CNOT10: variants seen among roughly 807,000 people sequenced by gnomAD.
CNOT10 encodes CCR4-NOT transcription complex subunit 10.
CNOT10 carries 30 observed loss-of-function variants against 94.6 expected under a neutral mutation model. The ratio of observed to expected loss-of-function variants is 0.32; its 90% CI spans 0.24 to 0.43. CNOT10 has a LOEUF of 0.43. Ranked by LOEUF, CNOT10 falls within the 20% of genes least tolerant of loss-of-function variation. The probability of loss-of-function intolerance (pLI) is 1.00; values close to 1 mark genes in which losing one functional copy is unlikely to be tolerated. For missense variants in CNOT10, 759 were observed against 877.2 expected, an observed-to-expected ratio of 0.87 and a Z score of 1.70; for synonymous variants, 289 against 301.6, an observed-to-expected ratio of 0.96 and a Z score of 0.43.
At chr3:32,770,021 T>G in intron 18 of CNOT10, 59 bp downstream of exon 18, 1 of 1,385,878 alleles carries the variant, frequency 7.2e-7, no homozygotes, top group Non-Finnish European at 1.0e-6. Flanking sequence ...ATTTTTTGGT[T>G]GGGAGACAGG....
chr3:32,761,001 C>A (rs561635917), intron 14 of CNOT10, among the ~76,000 whole-genome samples: 4 of 151,824 alleles, frequency 2.6e-5, no homozygotes, highest in African/African-American at 4.8e-5. Context: ...TGGGGGCACA[C>A]TCCTGTAATC....
intron 13 of CNOT10, among the ~76,000 whole-genome samples, chr3:32,754,487 A>T (rs1415474891): frequency 0.17 from 10,553 of 62,106 alleles, 1,413 homozygotes; most frequent in Non-Finnish European, 0.2. Context: ...AAAAAAAAAA[A>T]AAATACATAT....
At chr3:32,740,813 G>T (rs1699429306) in intron 13 of CNOT10, among the ~76,000 whole-genome samples, 1 of 150,240 alleles carries the variant, frequency 6.7e-6, no homozygotes, top group Non-Finnish European at 1.5e-5. Flanking sequence ...AATAAGCCGA[G>T]ATCGCACCAC....
chr3:32,727,767 C>T lies in CNOT10; in HGVS notation c.1112C>T (p.Pro371Leu), dbSNP rs1407898797. Residue 371 changes from proline (P) to leucine (L), a missense_variant, in exon 10 of 19, where the codon CCT becomes CTT. Around this residue, in one of 3 missense-constraint regions of CNOT10, gnomAD observed 682 missense variants for 799.4 expected, o/e 0.85. Coordinates refer to ENST00000328834, the MANE Select transcript of CNOT10 (RefSeq NM_015442.3). ...CGIQLLHIGRPLAAFECLIEA... is the reference protein window; with the variant it reads ...CGIQLLHIGRLLAAFECLIEA... ...ATTCAGCTTCTTCACATTGGAAGGC[C>T]TCTTGCTGCCTTCGAATGTCTGATT... 6.2e-7 allele frequency: 1 copy of T among 1,613,756 alleles called. No homozygotes were observed.
chr3:32,741,577 G>A (rs1699464824), intron 13 of CNOT10, among the ~76,000 whole-genome samples: 8 of 151,998 alleles, frequency 5.3e-5, no homozygotes, highest in Non-Finnish European at 7.4e-5. Context: ...AGACCAGCCT[G>A]GCCAACATAG....
intron 10 of CNOT10, among the ~76,000 whole-genome samples, chr3:32,732,302 A>G (rs1400420068): frequency 6.6e-6 from 1 of 152,012 alleles, no homozygotes; most frequent in Non-Finnish European, 1.5e-5. Context: ...AGGCAAGAGA[A>G]TCACTGGAAC....
chr3:32,763,372 C>T (rs751226615), intron 15 of CNOT10, among the ~76,000 whole-genome samples: 1 of 151,928 alleles, frequency 6.6e-6, no homozygotes, highest in Non-Finnish European at 1.5e-5. Flanking sequence ...AAATAATTGT[C>T]GGGTGCGGTG....
chr3:32,762,907 T>C, intron 15 of CNOT10, 44 bp downstream of exon 15: 1 of 1,461,924 alleles, frequency 6.8e-7, no homozygotes, highest in Non-Finnish European at 9.0e-7. Context: ...CTGTTTCCAT[T>C]TCCCTCCTGT....
rs112269064 is a variant in CNOT10 at position 32,726,861 on chromosome 3, T to C, written c.1013-807T>C. Among the ~76,000 whole-genome samples the C allele has an allele frequency of 1.9e-3, 105 of 54,418 alleles. 3 individuals carry two copies. In the South Asian group the frequency reaches 0.059, roughly 31 times the overall value. The allele number at this position is 54,418 out of a possible 152,430, so 35.7% of individuals were successfully genotyped here. On this transcript the variant is annotated intron_variant, in intron 9 of 18. Coordinates refer to ENST00000328834, the MANE Select transcript of CNOT10 (RefSeq NM_015442.3). Reference sequence around the variant, plus strand: ...ATTTTTTTTTTTTTTTTTTTTTTTTTCCTGAGACGAAGTCTCACCCTGTTG... The same window carrying C: ...ATTTTTTTTTTTTTTTTTTTTTTTTCCCTGAGACGAAGTCTCACCCTGTTG...
intron 13 of CNOT10, chr3:32,754,023 C>A: frequency 2.0e-6 from 1 of 502,528 alleles, no homozygotes; most frequent in Non-Finnish European, 3.4e-6. Context: ...TTGCTTGAAC[C>A]CAGGAGGCGG....
chr3:32,772,987 C>T (rs912589766), intron 18 of CNOT10, among the ~76,000 whole-genome samples: 7 of 152,006 alleles, frequency 4.6e-5, no homozygotes, highest in Admixed American at 4.6e-4. Context: ...TGCCTCAGCC[C>T]CCCAAGTAGC....
intron 13 of CNOT10, among the ~76,000 whole-genome samples, chr3:32,737,856 A>T (rs995563801): frequency 2.0e-5 from 3 of 152,090 alleles, no homozygotes; most frequent in African/African-American, 7.2e-5. Context: ...TGTTAATATG[A>T]TGAATTACAC....
At chr3:32,703,807 T>A in intron 1 of CNOT10, 61 bp from the exon 2 acceptor site, 2 of 1,134,478 alleles carry the variant, frequency 1.8e-6, no homozygotes, top group Non-Finnish European at 2.6e-6. Flanking sequence ...TGAAACTGGA[T>A]AAGGAGGGAC....
Position 32,739,945 on chromosome 3 carries a change from A to G in CNOT10, c.1595+2455A>G, listed in dbSNP as rs369837480. On this transcript the variant is annotated intron_variant, in intron 13 of 18. Transcript: ENST00000328834. ...CGTCTCGAAAGAAAAAAAGAAAAAA[A>G]ATTATCTGGGCGTGATGTTGCATGC... Among the ~76,000 whole-genome samples the G allele has an allele frequency of 1.9e-3, 282 of 152,270 alleles. 1 individual carries two copies. Among genetic ancestry groups the G allele is most frequent in the African/African-American group, 6.6e-3 (273 of 41,546 alleles).
At chr3:32,695,438 C>T (rs1433782232) in intron 1 of CNOT10, 3 of 753,974 alleles carry the variant, frequency 4.0e-6, no homozygotes, top group African/African-American at 3.6e-5. Context: ...GTTTTCTTTT[C>T]TTGATATATC....
At chr3:32,716,103 C>A in intron 5 of CNOT10, 122 bp from the exon 6 acceptor site, 1 of 521,568 alleles carries the variant, frequency 1.9e-6, no homozygotes, top group Non-Finnish European at 3.4e-6. Context: ...CACCATTTCC[C>A]ACAAATTCTA....
rs553051265 is a variant in CNOT10, at chr3:32,742,885, G to A, written c.1595+5395G>A. Among the ~76,000 whole-genome samples the A allele has an allele frequency of 4.0e-5, 6 of 151,792 alleles. No individual in the cohort carries two copies. In the East Asian group the frequency reaches 1.2e-3, roughly 29 times the overall value. The stretch of plus-strand genomic sequence containing the variant: ...TACAAATAATGCTGCAGTGAATATG[G>A]TTATACACATTTAAAGGGAATCCTT... On this transcript the variant is annotated intron_variant, in intron 13 of 18. Transcript: ENST00000328834.
At chr3:32,735,084 A>G in intron 12 of CNOT10, 108 bp downstream of exon 12, 1 of 970,350 alleles carries the variant, frequency 1.0e-6, no homozygotes, top group Non-Finnish European at 1.5e-6. Context: ...AATTTCTGAA[A>G]TTCTGTTTTG....
intron 5 of CNOT10, 118 bp downstream of exon 5, chr3:32,713,487 C>A: frequency 1.4e-6 from 1 of 738,252 alleles, no homozygotes; most frequent in Non-Finnish European, 2.1e-6. Context: ...TGGTTATGAA[C>A]TATTAACAGC....
Sources: allele counts gnomAD v4.1 joint callset (sites outside exome capture counted in the v4.1 genomes callset), GRCh38; gene constraint gnomAD v4.1.1; regional missense constraint gnomAD v4.1.1; transcripts MANE v1.5; gene names NCBI Gene and HGNC (gene_info 2026-07-23, HGNC 2026-07-21).